The following ZCWPW2 variants were observed in gnomAD, a reference collection of about 807,000 sequenced individuals.
ZCWPW2 encodes zinc finger CW-type PWWP domain protein 2.
Under a neutral mutation model 46.6 loss-of-function variants are expected in ZCWPW2, and 45 were observed. The observed-to-expected ratio is 0.96, with a 90% CI of 0.76 to 1.24. ZCWPW2 has a LOEUF of 1.24. Among genes scored for constraint, ZCWPW2 ranks in the 50% most tolerant of loss-of-function variants. The pLI, the probability that ZCWPW2 is intolerant of heterozygous loss-of-function variation, is 0.00. For missense variants in ZCWPW2, 429 were observed against 403.9 expected, an observed-to-expected ratio of 1.06 and a Z score of -0.53; for synonymous variants, 152 against 137.1, an observed-to-expected ratio of 1.11 and a Z score of -0.76.
At chr3:28,369,159 C>A (rs576074416) in intron 1 of ZCWPW2, among the ~76,000 whole-genome samples, 7 of 152,186 alleles carry the variant, frequency 4.6e-5, no homozygotes, top group African/African-American at 1.7e-4. Flanking sequence ...TCTCTCAACT[C>A]GTCAAAGTCA....
chr3:28,484,345 G>T (rs570961655), intron 5 of ZCWPW2, among the ~76,000 whole-genome samples: 10 of 152,044 alleles, frequency 6.6e-5, no homozygotes, highest in Admixed American at 2.6e-4. Flanking sequence ...AAAAGGTTAC[G>T]GAGAATTGGC....
At chr3:28,354,274 G>C (rs1182051631) in intron 1 of ZCWPW2, among the ~76,000 whole-genome samples, 1 of 151,238 alleles carries the variant, frequency 6.6e-6, no homozygotes, top group African/African-American at 2.4e-5. Flanking sequence ...ATAAATTCCT[G>C]GACACATACA....
chr3:28,409,961 A>G (rs1232074703), intron 2 of ZCWPW2, among the ~76,000 whole-genome samples: 1 of 152,120 alleles, frequency 6.6e-6, no homozygotes, highest in Non-Finnish European at 1.5e-5. Flanking sequence ...AGATAAGGAA[A>G]CCCATAATAT....
At chr3:28,473,069 A>G (rs1326835465) in intron 4 of ZCWPW2, among the ~76,000 whole-genome samples, 2 of 152,194 alleles carry the variant, frequency 1.3e-5, no homozygotes, top group Non-Finnish European at 2.9e-5. Context: ...TATCCAAAAG[A>G]CAGGCGATAA....
chr3:28,497,813 C>T (rs898569972), intron 6 of ZCWPW2, among the ~76,000 whole-genome samples: 1 of 152,020 alleles, frequency 6.6e-6, no homozygotes, highest in Non-Finnish European at 1.5e-5. Context: ...ACTTAACTCC[C>T]TTTTTTAGCT....
intron 6 of ZCWPW2, among the ~76,000 whole-genome samples, chr3:28,501,459 G>A (rs1300041489): frequency 2.0e-5 from 3 of 152,068 alleles, no homozygotes; most frequent in Non-Finnish European, 4.4e-5. Flanking sequence ...TTGGATTATT[G>A]GAGCCTAGTG....
chr3:28,378,216 G>C lies in ZCWPW2; in HGVS notation c.-133-12282G>C, dbSNP rs373855459. Among the ~76,000 whole-genome samples the C allele has an allele frequency of 1.1e-4, 17 of 151,816 alleles. 1 individual carries two copies. Among genetic ancestry groups the C allele is most frequent in the East Asian group, 7.7e-4 (4 of 5,184 alleles). On this transcript the variant is annotated intron_variant, in intron 1 of 9. Coordinates refer to ENST00000383768, the MANE Select transcript of ZCWPW2 (RefSeq NM_001040432.4). The stretch of plus-strand genomic sequence containing the variant: ...GCGTAAATTTCTTAATTAGGTAAAA[G>C]AACGAACAGTGAAAGTTAAATATAC...
At chr3:28,469,934 T>C (rs2125795724) in intron 4 of ZCWPW2, among the ~76,000 whole-genome samples, 1 of 152,250 alleles carries the variant, frequency 6.6e-6, no homozygotes, top group Middle Eastern at 3.4e-3. Flanking sequence ...ATAGACCTAA[T>C]AGACATTTAC....
chr3:28,364,154 C>A (rs1482548602), intron 1 of ZCWPW2, among the ~76,000 whole-genome samples: 1 of 152,120 alleles, frequency 6.6e-6, no homozygotes, highest in Admixed American at 6.6e-5. Context: ...TGTGGAATGA[C>A]AGAAACTTTT....
chr3:28,388,964 G>A (rs938060426), intron 1 of ZCWPW2, among the ~76,000 whole-genome samples: 1 of 152,128 alleles, frequency 6.6e-6, no homozygotes, highest in African/African-American at 2.4e-5. Flanking sequence ...CAGTATCCCA[G>A]TTTCTTTTTG....
At chr3:28,446,191 A>C (rs1697983639) in intron 4 of ZCWPW2, among the ~76,000 whole-genome samples, 2 of 152,140 alleles carry the variant, frequency 1.3e-5, no homozygotes, top group Admixed American at 1.3e-4. Context: ...AGGCATGTAC[A>C]AAACACTCTA....
chr3:28,410,500 A>G (rs1459432364), intron 2 of ZCWPW2, among the ~76,000 whole-genome samples: 1 of 152,040 alleles, frequency 6.6e-6, no homozygotes. Flanking sequence ...AAAAATCAAT[A>G]TCACACAGAT....
chr3:28,438,196 G>A (rs1357320007), intron 4 of ZCWPW2, among the ~76,000 whole-genome samples: 2 of 152,138 alleles, frequency 1.3e-5, no homozygotes, highest in Admixed American at 1.3e-4. Flanking sequence ...GATCACAAAG[G>A]TACAGACAAT....
intron 6 of ZCWPW2, among the ~76,000 whole-genome samples, chr3:28,500,717 G>A (rs1700118399): frequency 6.6e-6 from 1 of 152,136 alleles, no homozygotes; most frequent in South Asian, 2.1e-4. Flanking sequence ...CTGGATATTT[G>A]TGGTAATTGC....
At chr3:28,430,727 C>G (rs1188930546) in intron 3 of ZCWPW2, among the ~76,000 whole-genome samples, 1 of 152,022 alleles carries the variant, frequency 6.6e-6, no homozygotes, top group East Asian at 1.9e-4. Context: ...GGGCAGTTCC[C>G]CTATGCTCTT....
At chr3:28,413,720 TGATTTCCTTTTTG>T (rs1471859948) in intron 3 of ZCWPW2, among the ~76,000 whole-genome samples, 1 of 152,110 alleles carries the variant, frequency 6.6e-6, no homozygotes, top group East Asian at 1.9e-4. Context: ...ATTTTCTTTG[TGATTTCCTTTTTG>T]AAATCCGTTT....
At chr3:28,378,611 G>A (rs143151388) in intron 1 of ZCWPW2, among the ~76,000 whole-genome samples, 197 of 152,208 alleles carry the variant, frequency 1.3e-3, no homozygotes, top group African/African-American at 4.3e-3. Context: ...TGTAGGAAAC[G>A]AAGTGAGAAT....
intron 4 of ZCWPW2, among the ~76,000 whole-genome samples, chr3:28,470,840 G>GA (rs1232326897): frequency 6.6e-6 from 1 of 151,604 alleles, no homozygotes; most frequent in African/African-American, 2.4e-5. Context: ...AAAAGCTAAA[G>GA]AAAATTGACA....
At chr3:28,479,044 A>G in intron 5 of ZCWPW2, 113 bp downstream of exon 5, 7 of 620,768 alleles carry the variant, frequency 1.1e-5, no homozygotes, top group Non-Finnish European at 1.9e-5. Context: ...TCATAGGGAA[A>G]TAGTATATCA....
Sources: gnomAD v4.1 joint callset for allele counts (sites outside exome capture counted in the v4.1 genomes callset) on GRCh38, gnomAD v4.1.1 for gene constraint, MANE v1.5 for transcripts, NCBI Gene and HGNC (gene_info 2026-07-23, HGNC 2026-07-21) for gene names.